The following CDC42BPA variants were observed in gnomAD, a reference collection of about 807,000 sequenced individuals.
CDC42BPA encodes the protein CDC42 binding protein kinase alpha, also known as serine/threonine-protein kinase MRCK alpha.
CDC42BPA carries 80 observed loss-of-function variants against 223.5 expected under a neutral mutation model. The ratio of observed to expected loss-of-function variants is 0.36; its 90% CI spans 0.30 to 0.43. The LOEUF is 0.43. Ranked by LOEUF, CDC42BPA falls within the 20% of genes least tolerant of loss-of-function variation. The probability of loss-of-function intolerance (pLI) is 1.00; values close to 1 mark genes in which losing one functional copy is unlikely to be tolerated. For synonymous variants in CDC42BPA, 694 were observed against 718.6 expected (o/e 0.97, Z 0.55); for missense variants, 1,743 against 2,099.9 (o/e 0.83, Z 3.32).
chr1:227,035,701 G>A, intron 24 of CDC42BPA, 94 bp from the exon 25 acceptor site: 3 of 792,212 alleles, frequency 3.8e-6, no homozygotes, highest in Non-Finnish European at 5.8e-6. Flanking sequence ...TATGTTAGAT[G>A]AATGCTTATC....
intron 5 of CDC42BPA, among the ~76,000 whole-genome samples, chr1:227,182,228 C>T (rs560958940): frequency 8.9e-4 from 136 of 152,262 alleles, no homozygotes; most frequent in Middle Eastern, 3.4e-3. Flanking sequence ...TTCATCTTAT[C>T]CCATGATTTG....
Position 227,074,354 on chromosome 1 carries a change from C to T in CDC42BPA, c.2491G>A (p.Glu831Lys), listed in dbSNP as rs1239380247. The change falls in exon 18 of 37, where the codon GAA becomes AAA. Residue 831 changes from glutamate (E) to lysine (K), a missense_variant. Glu to Lys is a moderately conservative substitution (Grantham distance 56). Coordinates refer to ENST00000366766, the MANE Select transcript of CDC42BPA (RefSeq NM_001394014.1). Reference sequence around the variant, plus strand: ...TGAAGATACCCTCGTGCATCCTTTTCATCGCTGACCCTAGAATATATAAAG... The same window carrying T: ...TGAAGATACCCTCGTGCATCCTTTTTATCGCTGACCCTAGAATATATAAAG... ...ITEIIQWVSDEKDARGYLQAL... is the reference protein window; with the variant it reads ...ITEIIQWVSDKKDARGYLQAL... 6.2e-7 allele frequency: 1 copy of T among 1,611,582 alleles called. No homozygotes were observed. Among genetic ancestry groups the T allele is most frequent in the African/African-American group, 1.3e-5 (1 of 74,812 alleles).
intron 21 of CDC42BPA, among the ~76,000 whole-genome samples, chr1:227,062,856 A>G (rs911115724): frequency 6.6e-6 from 1 of 151,818 alleles, no homozygotes; most frequent in Non-Finnish European, 1.5e-5. Context: ...TTTTTTGGCT[A>G]TCTCTACTTC....
chr1:227,010,817 C>A (rs1665031717), intron 34 of CDC42BPA: 1 of 1,053,874 alleles, frequency 9.5e-7, no homozygotes, highest in Non-Finnish European at 1.2e-6. Context: ...CTTATTAAGC[C>A]AGGCAAAAGG....
At chr1:227,197,503 T>C (rs971704674) in intron 4 of CDC42BPA, among the ~76,000 whole-genome samples, 11 of 152,138 alleles carry the variant, frequency 7.2e-5, no homozygotes, top group Non-Finnish European at 1.5e-4. Flanking sequence ...GAAAAATGTC[T>C]TTGAAAAAGA....
intron 1 of CDC42BPA, among the ~76,000 whole-genome samples, chr1:227,275,451 ATAAAAT>A (rs1308651957): frequency 6.6e-6 from 1 of 152,124 alleles, no homozygotes; most frequent in Admixed American, 6.5e-5. Flanking sequence ...GTAGATGTTA[ATAAAAT>A]TAAAACAACT....
intron 1 of CDC42BPA, among the ~76,000 whole-genome samples, chr1:227,296,689 G>T (rs1202395953): frequency 7.4e-6 from 1 of 135,410 alleles, no homozygotes; most frequent in Admixed American, 8.3e-5. Flanking sequence ...CTGGGAAACA[G>T]AGAGAGACTC....
At chr1:227,276,690 A>G (rs150749415) in intron 1 of CDC42BPA, among the ~76,000 whole-genome samples, 8,203 of 152,332 alleles carry the variant, frequency 0.054, 247 homozygotes, top group Non-Finnish European at 0.073. Flanking sequence ...GTCTGTGTAG[A>G]AAGAAGTGGA....
intron 14 of CDC42BPA, among the ~76,000 whole-genome samples, chr1:227,110,074 G>C (rs1686660490): frequency 6.6e-6 from 1 of 152,110 alleles, no homozygotes; most frequent in Non-Finnish European, 1.5e-5. Context: ...AGAACTCATG[G>C]ATATGAAGGG....
intron 5 of CDC42BPA, among the ~76,000 whole-genome samples, chr1:227,168,951 C>G (rs1665628892): frequency 6.6e-6 from 1 of 152,162 alleles, no homozygotes; most frequent in East Asian, 1.9e-4. Context: ...TATTTTCTAA[C>G]AGGTCCTTGG....
intron 34 of CDC42BPA, chr1:227,011,034 A>G: frequency 7.4e-7 from 1 of 1,356,600 alleles, no homozygotes; most frequent in Non-Finnish European, 9.8e-7. Flanking sequence ...GACCGGAGTG[A>G]TGATGAGGGG....
chr1:227,028,259 C>A (rs947316801), intron 30 of CDC42BPA, among the ~76,000 whole-genome samples: 2 of 152,060 alleles, frequency 1.3e-5, no homozygotes, highest in Non-Finnish European at 2.9e-5. Context: ...TTACATTATA[C>A]CTTTACATAC....
chr1:227,205,769 C>G (rs1022769529), intron 3 of CDC42BPA, among the ~76,000 whole-genome samples: 1 of 152,130 alleles, frequency 6.6e-6, no homozygotes, highest in Admixed American at 6.5e-5. Context: ...TAACTCTCAG[C>G]CCAGTGCAGT....
chr1:227,145,878 A>C, intron 7 of CDC42BPA, 141 bp from the exon 8 acceptor site: 1 of 608,608 alleles, frequency 1.6e-6, no homozygotes, highest in Non-Finnish European at 2.7e-6. Flanking sequence ...ACTAATACTA[A>C]AGGAATACAG....
intron 3 of CDC42BPA, among the ~76,000 whole-genome samples, chr1:227,207,373 T>C (rs138769088): frequency 8.0e-5 from 12 of 150,046 alleles, no homozygotes; most frequent in East Asian, 5.9e-4. Flanking sequence ...TTTTCTTTTT[T>C]TTTTATTATA....
intron 6 of CDC42BPA, among the ~76,000 whole-genome samples, chr1:227,150,143 G>A (rs1013989049): frequency 1.3e-5 from 2 of 151,386 alleles, no homozygotes; most frequent in Non-Finnish European, 2.9e-5. Context: ...AGGATTGCTT[G>A]AGCCTGGGAA....
chr1:227,089,822 T>A (rs73096883), intron 16 of CDC42BPA, among the ~76,000 whole-genome samples: 1 of 152,056 alleles, frequency 6.6e-6, no homozygotes, highest in Admixed American at 6.5e-5. Flanking sequence ...CAGAAATGTA[T>A]GGCTAACAAT....
intron 19 of CDC42BPA, among the ~76,000 whole-genome samples, chr1:227,072,618 G>A (rs1387758955): frequency 6.6e-6 from 1 of 151,880 alleles, no homozygotes; most frequent in Non-Finnish European, 1.5e-5. Flanking sequence ...GAAAACATTT[G>A]TGGACCCTGA....
chr1:227,148,804 G>C lies in CDC42BPA; in HGVS notation c.694-1245C>G, dbSNP rs1040981641. Among the ~76,000 whole-genome samples the C allele has an allele frequency of 5.1e-5, 5 of 97,656 alleles. No individual in the cohort carries two copies. In the East Asian group the frequency reaches 8.7e-4, roughly 17 times the overall value. 64.1% of individuals were successfully genotyped at this position (97,656 alleles called of 152,430 possible). ...AAAAAAAAAAAAAAAAAAAAAGCTA[G>C]ATAAAATATAACAATTATTTGTATA... On this transcript the variant is annotated intron_variant, in intron 6 of 36. Transcript: ENST00000366766.
Sources: gnomAD v4.1 joint callset for allele counts (sites outside exome capture counted in the v4.1 genomes callset) on GRCh38, gnomAD v4.1.1 for gene constraint, MANE v1.5 for transcripts, NCBI Gene and HGNC (gene_info 2026-07-23, HGNC 2026-07-21) for gene names.